CSMD1: variants seen among roughly 807,000 people sequenced by gnomAD.
CSMD1 encodes the protein CUB and sushi domain-containing protein 1.
In CSMD1, 213 loss-of-function variants were observed where a neutral mutation model predicts 417.5. The observed-to-expected ratio is 0.51, with a 90% CI of 0.46 to 0.57. CSMD1 has a LOEUF of 0.57. Among genes scored for constraint, CSMD1 ranks in the 20% least tolerant of loss-of-function variants. The probability of loss-of-function intolerance (pLI) is 0.00; values close to 1 mark genes in which losing one functional copy is unlikely to be tolerated. For synonymous variants in CSMD1, 2,862 were observed against 1,736.8 expected, an observed-to-expected ratio of 1.65 and a Z score of -16.11; for missense variants, 6,923 against 4,529.7, an observed-to-expected ratio of 1.53 and a Z score of -15.17.
intron 1 of CSMD1, among the ~76,000 whole-genome samples, chr8:4,915,026 G>C (rs935393380): frequency 1.9e-4 from 29 of 152,158 alleles, no homozygotes; most frequent in African/African-American, 6.0e-4. Context: ...TATTAGATAT[G>C]AGAAACTGCA....
intron 10 of CSMD1, among the ~76,000 whole-genome samples, chr8:3,556,391 TAATATA>T (rs1307071722): frequency 1.9e-4 from 7 of 37,346 alleles, no homozygotes; most frequent in Non-Finnish European, 3.1e-4. Flanking sequence ...TTATAATAAT[TAATATA>T]TATATATATA....
chr8:3,911,162 A>G (rs1473947122), intron 5 of CSMD1, among the ~76,000 whole-genome samples: 1 of 152,158 alleles, frequency 6.6e-6, no homozygotes, highest in Non-Finnish European at 1.5e-5. Context: ...AAAATCATAT[A>G]ATGCAAGTGT....
chr8:3,744,470 G>C (rs1413462515), intron 6 of CSMD1, among the ~76,000 whole-genome samples: 2 of 150,618 alleles, frequency 1.3e-5, no homozygotes, highest in Non-Finnish European at 2.9e-5. Context: ...ATTTTAACTA[G>C]GACTTCTAAA....
At chr8:4,785,791 A>G (rs754702821) in intron 1 of CSMD1, among the ~76,000 whole-genome samples, 2 of 152,184 alleles carry the variant, frequency 1.3e-5, no homozygotes, top group South Asian at 2.1e-4. Flanking sequence ...CTTATAAGAT[A>G]TAAGTGTTGC....
At position 3,700,729 on chromosome 8, in the gene CSMD1, G is replaced by A. The variant is rs958722909; in HGVS notation, c.1009+7685C>T. 17 of 152,294 alleles carry A rather than the reference G, an allele frequency of 1.1e-4. No homozygotes were observed. In the East Asian group the frequency reaches 3.3e-3, roughly 29 times the overall value. 9.4% of individuals were successfully genotyped at this position (152,294 alleles called of 1,614,324 possible). ...GAGGAGAGAGGAGAGCAAAGTCCCT[G>A]GGGTGTTGAGTGTCCAATGTCCTCA... On this transcript the variant is annotated intron_variant, in intron 7 of 69. Transcript: ENST00000635120.
chr8:4,749,776 G>T (rs967813393), intron 1 of CSMD1, among the ~76,000 whole-genome samples: 1 of 152,016 alleles, frequency 6.6e-6, no homozygotes, highest in East Asian at 1.9e-4. Context: ...GCATTAAAAT[G>T]TGTAAGTCTG....
chr8:4,671,241 C>A (rs1389048418), intron 1 of CSMD1, among the ~76,000 whole-genome samples: 1 of 152,136 alleles, frequency 6.6e-6, no homozygotes, highest in Non-Finnish European at 1.5e-5. Flanking sequence ...CCATTGAAGT[C>A]ATTAGATAAT....
intron 3 of CSMD1, among the ~76,000 whole-genome samples, chr8:4,117,800 C>T (rs949483299): frequency 2.0e-5 from 3 of 152,060 alleles, no homozygotes; most frequent in Non-Finnish European, 2.9e-5. Context: ...AGGCTCAGAA[C>T]GTATCCTAGA....
chr8:3,008,192 G>C (rs988194106), intron 52 of CSMD1, among the ~76,000 whole-genome samples: 8 of 152,168 alleles, frequency 5.3e-5, no homozygotes, highest in Non-Finnish European at 1.2e-4. Flanking sequence ...GGCTCGAGAG[G>C]GAGGAAAGGC....
rs187598707 is a variant in CSMD1 at position 3,975,269 on chromosome 8, G to C, written c.818+22634C>G. Among the ~76,000 whole-genome samples the C allele has an allele frequency of 6.6e-5, 10 of 152,126 alleles. No individual in the cohort carries two copies. The South Asian group carries it at 1.2e-3, about 19-fold the overall frequency. ...CGTTATTTATCAGTATGAGAGCTTG[G>C]GGTTGTTGCTATTTTATTTTATACC... On this transcript the variant is annotated intron_variant, in intron 5 of 69. Coordinates refer to ENST00000635120, the MANE Select transcript of CSMD1 (RefSeq NM_033225.6).
intron 15 of CSMD1, among the ~76,000 whole-genome samples, chr8:3,402,866 C>G: frequency 6.6e-6 from 1 of 151,820 alleles, no homozygotes; most frequent in East Asian, 1.9e-4. Flanking sequence ...TATTAAATTT[C>G]TTTATTTTTT....
chr8:3,421,413 A>C (rs981643209), intron 12 of CSMD1, among the ~76,000 whole-genome samples: 1 of 152,218 alleles, frequency 6.6e-6, no homozygotes, highest in Non-Finnish European at 1.5e-5. Context: ...ACTATATACA[A>C]TCCCAGGTTG....
chr8:2,984,072 G>C (rs1366103946), intron 54 of CSMD1, among the ~76,000 whole-genome samples: 1 of 152,156 alleles, frequency 6.6e-6, no homozygotes, highest in African/African-American at 2.4e-5. Flanking sequence ...CCAACTTAGT[G>C]CAAGTTCTGT....
intron 5 of CSMD1, among the ~76,000 whole-genome samples, chr8:3,754,748 C>T (rs1797561319): frequency 6.6e-6 from 1 of 152,210 alleles, no homozygotes; most frequent in South Asian, 2.1e-4. Flanking sequence ...AGCCACGGCG[C>T]CCGGCCACAA....
At chr8:3,201,816 C>T (rs549268852) in intron 31 of CSMD1, 91 bp from the exon 32 acceptor site, 74 of 586,378 alleles carry the variant, frequency 1.3e-4, no homozygotes, top group African/African-American at 1.2e-3. Context: ...TTAATTGCCC[C>T]AATGGATCAT....
At chr8:3,298,061 CTAAAATGAAAAAA>C (rs1211233465) in intron 25 of CSMD1, among the ~76,000 whole-genome samples, 1 of 152,096 alleles carries the variant, frequency 6.6e-6, no homozygotes, top group African/African-American at 2.4e-5. Context: ...AGTAGAATGG[CTAAAATGAAAAAA>C]CAATCAATCC....
In CSMD1 at chr8:3,101,074, A is replaced by G. The variant is rs564926149; in HGVS notation, c.6950-4037T>C. Reference sequence around the variant, plus strand: ...TATGGTGTTTTTTTTTTTTTTTTCTAAAGAAATGAATATTCTAAAAACTAT... The same window carrying G: ...TATGGTGTTTTTTTTTTTTTTTTCTGAAGAAATGAATATTCTAAAAACTAT... On this transcript the variant is annotated intron_variant, in intron 46 of 69. Transcript: ENST00000635120. Among the ~76,000 whole-genome samples, 4 of 150,208 alleles carry G rather than the reference A, an allele frequency of 2.7e-5. No homozygotes were observed. In the East Asian group the frequency reaches 7.8e-4, roughly 29 times the overall value.
At chr8:4,123,148 G>C (rs1010567821) in intron 3 of CSMD1, among the ~76,000 whole-genome samples, 23 of 152,238 alleles carry the variant, frequency 1.5e-4, no homozygotes, top group African/African-American at 5.1e-4. Context: ...AGAATATTTA[G>C]GCAGTCCATG....
intron 2 of CSMD1, among the ~76,000 whole-genome samples, chr8:4,464,851 C>T (rs1055479027): frequency 6.6e-6 from 1 of 152,070 alleles, no homozygotes; most frequent in Admixed American, 6.5e-5. Flanking sequence ...TCCCAATTTA[C>T]CCTGCTGTGT....
Sources: allele counts gnomAD v4.1 joint callset (sites outside exome capture counted in the v4.1 genomes callset), GRCh38; gene constraint gnomAD v4.1.1; transcripts MANE v1.5; gene names NCBI Gene and HGNC (gene_info 2026-07-23, HGNC 2026-07-21).